RNF115: variants seen among roughly 807,000 people sequenced by gnomAD.
RNF115 encodes the protein ring finger protein 115.
Under a neutral mutation model 39.2 loss-of-function variants are expected in RNF115, and 31 were observed. The observed-to-expected ratio is 0.79, with a 90% CI of 0.59 to 1.07. RNF115 has a LOEUF of 1.07. Ranked by LOEUF, RNF115 falls within the 50% of genes least tolerant of loss-of-function variation. The pLI, the probability that RNF115 is intolerant of heterozygous loss-of-function variation, is 0.00. For missense variants in RNF115, 384 were observed against 381.7 expected (o/e 1.01, Z -0.05); for synonymous variants, 124 against 131.0 (o/e 0.95, Z 0.37).
In RNF115 at chr1:145,820,519, C is replaced by T. The variant is rs1364634660; in HGVS notation, c.102+3253G>A. Among the ~76,000 whole-genome samples the T allele has an allele frequency of 1.3e-4, 20 of 150,146 alleles. No homozygotes were observed. The East Asian group carries it at 2.4e-3, about 18-fold the overall frequency. ...CTTTGGGAGGCCAAGGTGGGCATAT[C>T]ACAAGGTCGAGATGGAGACCATCCT... On this transcript the variant is annotated intron_variant, in intron 1 of 8. Coordinates refer to ENST00000582693, the MANE Select transcript of RNF115 (RefSeq NM_014455.4).
chr1:145,783,025 C>A (rs923506984), intron 3 of RNF115, among the ~76,000 whole-genome samples: 5 of 152,114 alleles, frequency 3.3e-5, no homozygotes, highest in African/African-American at 1.2e-4. Context: ...CCATGCCCAG[C>A]TAATTTATTG....
chr1:145,811,853 TGCA>T (rs1269389406), intron 1 of RNF115, among the ~76,000 whole-genome samples: 2 of 67,084 alleles, frequency 3.0e-5, no homozygotes, highest in Non-Finnish European at 5.8e-5. Context: ...GCCACTGCAC[TGCA>T]GCCTGGTTGA....
chr1:145,764,358 T>A (rs2101503645), intron 4 of RNF115, among the ~76,000 whole-genome samples: 1 of 149,826 alleles, frequency 6.7e-6, no homozygotes, highest in South Asian at 2.1e-4. Context: ...GTGAGGAGCG[T>A]CTCTGCCCGG....
chr1:145,793,623 T>C (rs1433585362), intron 1 of RNF115, among the ~76,000 whole-genome samples: 1 of 111,938 alleles, frequency 8.9e-6, no homozygotes, highest in African/African-American at 3.8e-5. Context: ...CACATGCTTT[T>C]TCTCACACAC....
At chr1:145,748,376 T>C (rs1223491602) in intron 7 of RNF115, among the ~76,000 whole-genome samples, 3 of 152,166 alleles carry the variant, frequency 2.0e-5, no homozygotes, top group Admixed American at 1.3e-4. Flanking sequence ...ATAAGGCCTA[T>C]TTTTTGATGT....
intron 3 of RNF115, among the ~76,000 whole-genome samples, chr1:145,781,097 C>T (rs12038541): frequency 6.6e-5 from 10 of 152,128 alleles, no homozygotes; most frequent in African/African-American, 2.4e-4. Flanking sequence ...TAACTGGCAA[C>T]CCTCCCCTAC....
intron 4 of RNF115, 118 bp from the exon 5 acceptor site, chr1:145,753,167 G>A (rs1553712756): frequency 3.1e-6 from 2 of 653,402 alleles, no homozygotes; most frequent in Non-Finnish European, 5.4e-6. Context: ...TCATTGGCTA[G>A]TACACAAGAG....
chr1:145,808,930 A>G, intron 1 of RNF115, among the ~76,000 whole-genome samples: 1 of 152,344 alleles, frequency 6.6e-6, no homozygotes, highest in East Asian at 1.9e-4. Context: ...AGAAGCTTTC[A>G]TTCAACAAAT....
chr1:145,768,875 G>C (rs1274413575), intron 4 of RNF115, among the ~76,000 whole-genome samples: 4 of 152,172 alleles, frequency 2.6e-5, no homozygotes, highest in Non-Finnish European at 2.9e-5. Context: ...ATCTAGGCAG[G>C]CCTGCTAGCT....
At position 145,743,883 on chromosome 1, in the gene RNF115, G is replaced by C. The variant is rs1341102855; in HGVS notation, c.*2983C>G. On this transcript the variant is annotated 3_prime_UTR_variant, in exon 9 of 9. Coordinates refer to ENST00000582693, the MANE Select transcript of RNF115 (RefSeq NM_014455.4). Reference sequence around the variant, plus strand: ...TCAACATAAATTAACCTGGACATCTGAGGTGCCTGCCATTATAAGAAGAAA... The same window carrying C: ...TCAACATAAATTAACCTGGACATCTCAGGTGCCTGCCATTATAAGAAGAAA... The C allele has an allele frequency of 1.3e-5, 2 of 152,038 alleles. No individual in the cohort carries two copies. The highest frequency in any genetic ancestry group is 3.9e-4 in the East Asian group (2 of 5,186). 9.4% of individuals were successfully genotyped at this position (152,038 alleles called of 1,614,324 possible). A position where few individuals can be genotyped will look rare whatever the true frequency, so the allele number is the denominator to read the frequency against.
intron 1 of RNF115, among the ~76,000 whole-genome samples, chr1:145,799,686 A>C (rs1304303372): frequency 1.3e-5 from 2 of 152,088 alleles, no homozygotes; most frequent in African/African-American, 4.8e-5. Context: ...TGCTCACTGC[A>C]GACTCAACCA....
At chr1:145,772,003 T>C (rs782453365) in intron 3 of RNF115, 84 bp from the exon 4 acceptor site, 47 of 1,104,194 alleles carry the variant, frequency 4.3e-5, no homozygotes, top group Non-Finnish European at 6.1e-5. Flanking sequence ...ATATTACAAA[T>C]GGCCACTGTG....
At chr1:145,783,772 C>CA (rs1367041269) in intron 3 of RNF115, among the ~76,000 whole-genome samples, 1 of 150,950 alleles carries the variant, frequency 6.6e-6, no homozygotes, top group African/African-American at 2.4e-5. Context: ...TGATTAAAAA[C>CA]AAAGAGTATT....
chr1:145,806,869 G>T (rs1414904707), intron 1 of RNF115, among the ~76,000 whole-genome samples: 1 of 152,200 alleles, frequency 6.6e-6, no homozygotes, highest in African/African-American at 2.4e-5. Context: ...GCAGTGGCAG[G>T]ATCTCGGCTC....
intron 4 of RNF115, among the ~76,000 whole-genome samples, chr1:145,768,989 T>C (rs1188509474): frequency 2.0e-5 from 3 of 152,350 alleles, no homozygotes; most frequent in Middle Eastern, 6.8e-3. Context: ...TATTTACTGA[T>C]ATACTGGTGC....
intron 1 of RNF115, 82 bp from the exon 2 acceptor site, chr1:145,789,048 A>G: frequency 1.2e-6 from 1 of 844,226 alleles, no homozygotes; most frequent in Non-Finnish European, 1.9e-6. Context: ...AACATGCAGT[A>G]TACAAGCTGA....
intron 3 of RNF115, among the ~76,000 whole-genome samples, chr1:145,783,349 G>C (rs1553717709): frequency 6.6e-6 from 1 of 152,018 alleles, no homozygotes; most frequent in African/African-American, 2.4e-5. Context: ...AAATAGAACA[G>C]GACCATTACC....
At chr1:145,789,696 ACTT>A (rs1424325128) in intron 1 of RNF115, among the ~76,000 whole-genome samples, 7 of 110,428 alleles carry the variant, frequency 6.3e-5, no homozygotes, top group South Asian at 3.0e-4. Flanking sequence ...CCACACCCGG[ACTT>A]CTTTTTTTTT....
At chr1:145,801,639 C>G (rs1649247475) in intron 1 of RNF115, among the ~76,000 whole-genome samples, 1 of 152,184 alleles carries the variant, frequency 6.6e-6, no homozygotes. Context: ...CTATGGAAAT[C>G]TATCCTACGC....
Sources: gnomAD v4.1 joint callset for allele counts (sites outside exome capture counted in the v4.1 genomes callset) on GRCh38, gnomAD v4.1.1 for gene constraint, MANE v1.5 for transcripts, NCBI Gene and HGNC (gene_info 2026-07-23, HGNC 2026-07-21) for gene names.